Variants in ZC3H18 observed in about 807,000 individuals in gnomAD.
ZC3H18 encodes the protein zinc finger CCCH domain-containing protein 18.
Under a neutral mutation model 106.1 loss-of-function variants are expected in ZC3H18, and 8 were observed. The ratio of observed to expected loss-of-function variants is 0.08; its 90% CI spans 0.04 to 0.14. The LOEUF (loss-of-function observed/expected upper bound fraction) is 0.14, where lower values mean the gene tolerates loss of function less well. ZC3H18 is among the 10% of genes least tolerant of loss of function. The pLI, the probability that ZC3H18 is intolerant of heterozygous loss-of-function variation, is 1.00. For missense variants in ZC3H18, 1,318 were observed against 1,278.4 expected, an observed-to-expected ratio of 1.03 and a Z score of -0.47; for synonymous variants, 635 against 522.1, an observed-to-expected ratio of 1.22 and a Z score of -2.95.
rs1914848933 is a variant in ZC3H18 at position 88,577,654 on chromosome 16, G to A, written c.531G>A (p.Lys177=). The A allele has an allele frequency of 6.2e-6, 10 of 1,613,922 alleles. No individual in the cohort carries two copies. Among genetic ancestry groups the A allele is most frequent in the Non-Finnish European group, 7.6e-6 (9 of 1,180,032 alleles). The change falls in exon 2 of 18, where the codon AAG becomes AAA. Residue 177 remains lysine (K), a synonymous_variant. Transcript: ENST00000301011. The part of the protein sequence containing the change: ...GKAGVQSVGE[K]ESLEAAKEKK... ...CTGGTGTTCAGAGTGTGGGAGAAAA[G>A]GAATCCCTGGAGGCTGCCAAGGAGA...
In ZC3H18 at chr16:88,630,535, C is replaced by T. The variant is rs771854967; in HGVS notation, c.2617C>T (p.Arg873Trp). 1.1e-5 allele frequency: 17 copies of T among 1,612,634 alleles called. No individual in the cohort carries two copies. Among genetic ancestry groups the T allele is most frequent in the Admixed American group, 1.7e-5 (1 of 59,940 alleles). Residue 873 changes from arginine (R) to tryptophan (W), a missense_variant, in exon 17 of 18, where the codon CGG becomes TGG. By Grantham distance (101) the Arg-to-Trp change is moderately radical (BLOSUM62 -3). Transcript: ENST00000301011. ...GAGACTGGGCTCCCCGAAGCCAGAG[C>T]GGCAGAGAGGCCAGAACTCCAAAGC... The part of the protein sequence containing the change: ...GGRLGSPKPE[R>W]QRGQNSKAPA...
At position 88,624,757 on chromosome 16, in the gene ZC3H18, G is replaced by C; in HGVS notation, c.2042+12G>C. On this transcript the variant is annotated intron_variant, in intron 12 of 17. Transcript: ENST00000301011. ...ACCCCCCCCAGGAGGTGAGCACTCCGGCGTCCGGGGCCCTCAGGCTTTCCG... is the reference window on the plus strand; with the variant it reads ...ACCCCCCCCAGGAGGTGAGCACTCCCGCGTCCGGGGCCCTCAGGCTTTCCG... The C allele has an allele frequency of 6.2e-7, 1 of 1,602,422 alleles. No individual in the cohort carries two copies. The highest frequency in any genetic ancestry group is 8.5e-7 in the Non-Finnish European group (1 of 1,175,578).
chr16:88,621,853 C>T (rs1436632810), intron 8 of ZC3H18, among the ~76,000 whole-genome samples: 6 of 152,168 alleles, frequency 3.9e-5, no homozygotes, highest in African/African-American at 9.7e-5. Context: ...GTATTAGACA[C>T]GGCAGACACC....
At chr16:88,576,323 C>T (rs182284235) in intron 1 of ZC3H18, among the ~76,000 whole-genome samples, 222 of 152,106 alleles carry the variant, frequency 1.5e-3, no homozygotes, top group Non-Finnish European at 2.6e-3. Flanking sequence ...ATTGTAGATG[C>T]GAGCCACCGT....
At chr16:88,616,742 G>C (rs1011431955) in intron 8 of ZC3H18, among the ~76,000 whole-genome samples, 2 of 152,124 alleles carry the variant, frequency 1.3e-5, no homozygotes, top group Admixed American at 6.6e-5. Flanking sequence ...CACCTAAACT[G>C]GAAGAAAATG....
chr16:88,579,971 C>T (rs1044755567), intron 2 of ZC3H18, among the ~76,000 whole-genome samples: 3 of 152,142 alleles, frequency 2.0e-5, no homozygotes, highest in Non-Finnish European at 4.4e-5. Context: ...ATGGTGGGTT[C>T]AGCCTCTACA....
At chr16:88,624,838 C>A in intron 12 of ZC3H18, 93 bp downstream of exon 12, 1 of 1,472,478 alleles carries the variant, frequency 6.8e-7, no homozygotes, top group Non-Finnish European at 9.0e-7. Context: ...TGCCAGGGTC[C>A]AGAGCCAGGT....
rs1022143346 is a variant in ZC3H18, at chr16:88,623,055, G to C, written c.1668-164G>C. ...CACTGAAGAGTGTCTGGGGGAGGCT[G>C]TATGCGTCTGTGCGCGCGTCTGCAG... On this transcript the variant is annotated intron_variant, in intron 9 of 17. Transcript: ENST00000301011. 20 of 939,612 alleles carry C rather than the reference G, an allele frequency of 2.1e-5. No individual in the cohort carries two copies. The Admixed American group carries it at 3.2e-4, about 15-fold the overall frequency. 58.2% of individuals were successfully genotyped at this position (939,612 alleles called of 1,614,324 possible).
At chr16:88,615,208 CT>C (rs10711164) in intron 8 of ZC3H18, among the ~76,000 whole-genome samples, 2,270 of 10,348 alleles carry the variant, frequency 0.22, 813 homozygotes, top group East Asian at 0.69. Flanking sequence ...TTCCCTCTGC[CT>C]TTGACAGGCT....
intron 6 of ZC3H18, among the ~76,000 whole-genome samples, chr16:88,602,027 A>G (rs1167919168): frequency 6.6e-6 from 1 of 152,250 alleles, no homozygotes; most frequent in Non-Finnish European, 1.5e-5. Flanking sequence ...AGAGGGAGCC[A>G]GTACAGCTGG....
At chr16:88,574,627 C>A (rs1914624878) in intron 1 of ZC3H18, among the ~76,000 whole-genome samples, 1 of 150,748 alleles carries the variant, frequency 6.6e-6, no homozygotes, top group Admixed American at 6.6e-5. Flanking sequence ...CTCAGCCTCC[C>A]AAGTAGCTGG....
At chr16:88,580,967 G>C (rs982185499) in intron 2 of ZC3H18, among the ~76,000 whole-genome samples, 3 of 152,194 alleles carry the variant, frequency 2.0e-5, no homozygotes, top group Admixed American at 6.5e-5. Context: ...TAGCATTCCA[G>C]GTCCCAGCAG....
At chr16:88,628,195 C>G in intron 15 of ZC3H18, 76 bp downstream of exon 15, 1 of 1,545,180 alleles carries the variant, frequency 6.5e-7, no homozygotes. Flanking sequence ...ACAGCTTCCT[C>G]CTGGGGGACG....
rs768730271 is a variant in ZC3H18, at chr16:88,577,548, T to A, written c.425T>A (p.Val142Asp). 2 of 1,613,082 alleles carry A rather than the reference T, an allele frequency of 1.2e-6. No individual in the cohort carries two copies. The highest frequency in any genetic ancestry group is 2.2e-5 in the South Asian group (2 of 91,036). ...EEVPEEPAPA[V>D]QEDEAEKAGA... is the part of the protein sequence containing the mutation. ...GTTCCTGAGGAGCCAGCTCCCGCCG[T>A]CCAGGAGGACGAGGCTGAGAAAGCG... Residue 142 changes from valine (V) to aspartate (D), a missense_variant, in exon 2 of 18, where the codon GTC becomes GAC. Val to Asp is a radical substitution (Grantham distance 152). Around this residue, in one of 6 missense-constraint regions of ZC3H18, gnomAD observed 346 missense variants for 269.0 expected, o/e 1.29. Transcript: ENST00000301011.
At chr16:88,622,156 G>A (rs372187868) in intron 8 of ZC3H18, 41 bp from the exon 9 acceptor site, 84 of 1,580,820 alleles carry the variant, frequency 5.3e-5, no homozygotes, top group African/African-American at 3.7e-4. Flanking sequence ...GCTGTGAAGC[G>A]GAAGGTGGCC....
chr16:88,611,321 G>A lies in ZC3H18; in HGVS notation c.1260G>A (p.Glu420=), dbSNP rs1189243212. 1 of 758,554 alleles carries A rather than the reference G, an allele frequency of 1.3e-6. No individual in the cohort carries two copies. The highest frequency in any genetic ancestry group is 1.4e-5 in the South Asian group (1 of 69,184). 47.0% of individuals were successfully genotyped at this position (758,554 alleles called of 1,614,324 possible). The change falls in exon 8 of 18, where the codon GAG becomes GAA. Residue 420 remains glutamate, a synonymous_variant. Coordinates refer to ENST00000301011, the MANE Select transcript of ZC3H18 (RefSeq NM_144604.4). ...ACAGACAGCGCGAGCGCGAGCGGGA[G>A]CGGGAGCGGGACCGAGAGCGGGAGC... is the stretch of plus-strand genomic sequence containing the variant. ...RENRQRERER[E]RERDRERERR... is the part of the protein sequence containing the mutation.
At chr16:88,609,898 G>C (rs1446512890) in intron 7 of ZC3H18, among the ~76,000 whole-genome samples, 1 of 152,176 alleles carries the variant, frequency 6.6e-6, no homozygotes, top group Non-Finnish European at 1.5e-5. Flanking sequence ...ACTGTGCCCA[G>C]CTCGGCCTGG....
At chr16:88,593,507 G>A (rs757226517) in intron 3 of ZC3H18, among the ~76,000 whole-genome samples, 38 of 152,326 alleles carry the variant, frequency 2.5e-4, no homozygotes, top group Middle Eastern at 3.4e-3. Flanking sequence ...TTCAGACGCA[G>A]GTAACTGAAA....
chr16:88,625,161 G>C, intron 12 of ZC3H18, 41 bp from the exon 13 acceptor site: 1 of 1,554,276 alleles, frequency 6.4e-7, no homozygotes, highest in Non-Finnish European at 8.7e-7. Context: ...AGGGGCTGTG[G>C]AGGCCACGCC....
Sources: gnomAD v4.1 joint callset for allele counts (sites outside exome capture counted in the v4.1 genomes callset) on GRCh38, gnomAD v4.1.1 for gene constraint, gnomAD v4.1.1 regional missense constraint, MANE v1.5 for transcripts, NCBI Gene and HGNC (gene_info 2026-07-23, HGNC 2026-07-21) for gene names.